LAMA2: variants seen among roughly 807,000 people sequenced by gnomAD.
LAMA2 encodes the protein laminin subunit alpha 2.
Under a neutral mutation model 364.8 loss-of-function variants are expected in LAMA2, and 269 were observed. That is an observed-to-expected ratio of 0.74 (90% confidence interval 0.67 to 0.82). The LOEUF (loss-of-function observed/expected upper bound fraction) is 0.82. Ranked by LOEUF, LAMA2 falls within the 40% of genes least tolerant of loss-of-function variation. The probability of loss-of-function intolerance (pLI) is 0.00; values close to 1 mark genes in which losing one functional copy is unlikely to be tolerated. For synonymous variants in LAMA2, 1,379 were observed against 1,370.6 expected (o/e 1.01, Z -0.14); for missense variants, 3,807 against 3,873.2 (o/e 0.98, Z 0.45).
At chr6:129,107,612 CAAT>C (rs201586144) in intron 4 of LAMA2, among the ~76,000 whole-genome samples, 1 of 151,990 alleles carries the variant, frequency 6.6e-6, no homozygotes, top group Non-Finnish European at 1.5e-5. Context: ...AAAACCACAA[CAAT>C]AATAATAATA....
intron 33 of LAMA2, among the ~76,000 whole-genome samples, chr6:129,367,292 C>A (rs147361284): frequency 1.6e-4 from 24 of 152,218 alleles, no homozygotes; most frequent in African/African-American, 5.8e-4. Context: ...TATAGAATAC[C>A]TCAGCATTGC....
chr6:129,311,993 A>G (rs1774255670), intron 22 of LAMA2, among the ~76,000 whole-genome samples: 1 of 152,212 alleles, frequency 6.6e-6, no homozygotes, highest in Admixed American at 6.5e-5. Flanking sequence ...CAGAGAGAAC[A>G]GAGTGATGTA....
intron 53 of LAMA2, among the ~76,000 whole-genome samples, chr6:129,475,612 A>G (rs1784031682): frequency 6.6e-6 from 1 of 151,778 alleles, no homozygotes; most frequent in Non-Finnish European, 1.5e-5. Flanking sequence ...TTGGGCTGCA[A>G]TTTGAGTTGT....
chr6:129,206,871 G>A (rs1264968937), intron 12 of LAMA2, among the ~76,000 whole-genome samples: 1 of 152,210 alleles, frequency 6.6e-6, no homozygotes, highest in African/African-American at 2.4e-5. Flanking sequence ...AAAATTACCT[G>A]TGAAAGAGTG....
rs760016642 is a variant in LAMA2 at position 129,393,026 on chromosome 6, G to A, written c.5235-19G>A. On this transcript the variant is annotated intron_variant, in intron 36 of 64. Coordinates refer to ENST00000421865, the MANE Select transcript of LAMA2 (RefSeq NM_000426.4). ...TGACATGAGCTCATTGTCTATTATT[G>A]GGCTGGGGGTGGTTACAGAGCTGCA... 1.9e-6 allele frequency: 3 copies of A among 1,604,912 alleles called. No homozygotes were observed. Among genetic ancestry groups the A allele is most frequent in the Non-Finnish European group, 2.6e-6 (3 of 1,173,448 alleles).
chr6:129,247,522 G>A (rs759004183), intron 12 of LAMA2, among the ~76,000 whole-genome samples: 5 of 152,140 alleles, frequency 3.3e-5, no homozygotes, highest in Admixed American at 6.6e-5. Flanking sequence ...GATCATAAAC[G>A]CATACCTTTA....
rs942499228 is a variant in LAMA2, at chr6:129,304,424, C to T, written c.3174+3552C>T. Among the ~76,000 whole-genome samples, 17 of 152,156 alleles carry T rather than the reference C, an allele frequency of 1.1e-4. No individual in the cohort carries two copies. In the East Asian group the frequency reaches 1.9e-3, roughly 17 times the overall value. ...GACTACAGGTGCCCGCCACTACGCCCGGCTAATTTTTTGTATTTTTAGTAG... is the reference window on the plus strand; with the variant it reads ...GACTACAGGTGCCCGCCACTACGCCTGGCTAATTTTTTGTATTTTTAGTAG... On this transcript the variant is annotated intron_variant, in intron 22 of 64. Transcript: ENST00000421865.
chr6:129,344,096 C>A (rs1255594670), intron 30 of LAMA2, among the ~76,000 whole-genome samples: 3 of 151,936 alleles, frequency 2.0e-5, no homozygotes, highest in Non-Finnish European at 4.4e-5. Context: ...AATAAGGAAA[C>A]ACTACAAGTT....
At chr6:128,915,655 T>A (rs561968089) in intron 1 of LAMA2, among the ~76,000 whole-genome samples, 1 of 152,346 alleles carries the variant, frequency 6.6e-6, no homozygotes, top group African/African-American at 2.4e-5. Flanking sequence ...CAGTGTCTTA[T>A]ATAACTACAC....
chr6:129,316,266 A>G, intron 27 of LAMA2, 95 bp downstream of exon 27: 6 of 1,055,944 alleles, frequency 5.7e-6, no homozygotes, highest in Non-Finnish European at 8.6e-6. Context: ...TTGGAAAGTG[A>G]TTGGTTTTGC....
chr6:129,200,554 A>T (rs1782222925), intron 12 of LAMA2, among the ~76,000 whole-genome samples: 1 of 151,790 alleles, frequency 6.6e-6, no homozygotes, highest in South Asian at 2.1e-4. Context: ...GTATATATAT[A>T]TATTTAGAAA....
At position 129,026,937 on chromosome 6, in the gene LAMA2, C is replaced by T. The variant is rs139229100; in HGVS notation, c.113-22981C>T. Among the ~76,000 whole-genome samples the T allele has an allele frequency of 6.2e-3, 950 of 152,136 alleles. 7 individuals carry two copies. The highest frequency in any genetic ancestry group is 0.022 in the African/African-American group (906 of 41,518). ...CAGCCATCTGCTCAGACCTTTATTT[C>T]TCTGTTCAGCCATAACTAAAATTGA... is the stretch of plus-strand genomic sequence containing the variant. On this transcript the variant is annotated intron_variant, in intron 1 of 64. Transcript: ENST00000421865.
chr6:128,953,371 A>T (rs144280349), intron 1 of LAMA2, among the ~76,000 whole-genome samples: 3 of 152,272 alleles, frequency 2.0e-5, no homozygotes, highest in African/African-American at 7.2e-5. Flanking sequence ...AGCTTTACAG[A>T]TAGTAGACTT....
chr6:129,271,504 C>T (rs370952290), intron 17 of LAMA2, among the ~76,000 whole-genome samples: 22 of 127,876 alleles, frequency 1.7e-4, no homozygotes, highest in Middle Eastern at 6.2e-3. Context: ...GAGTCTCGCT[C>T]TGTTGCCCAG....
At chr6:129,116,650 G>A (rs535941550) in intron 4 of LAMA2, among the ~76,000 whole-genome samples, 3 of 141,846 alleles carry the variant, frequency 2.1e-5, no homozygotes, top group African/African-American at 8.6e-5. Context: ...TTTTAAAGGA[G>A]ATGAATTAAC....
At chr6:129,379,540 CTCT>C (rs995144974) in intron 34 of LAMA2, among the ~76,000 whole-genome samples, 4 of 152,068 alleles carry the variant, frequency 2.6e-5, no homozygotes, top group East Asian at 1.9e-4. Flanking sequence ...AGAGAGGAAG[CTCT>C]TCTTCTGTGT....
chr6:129,284,126 A>G (rs1788929775), intron 18 of LAMA2, among the ~76,000 whole-genome samples: 1 of 152,136 alleles, frequency 6.6e-6, no homozygotes, highest in Non-Finnish European at 1.5e-5. Context: ...GCACCATGTG[A>G]GCAGGGAAAC....
At chr6:129,120,286 A>G (rs1776731898) in intron 4 of LAMA2, among the ~76,000 whole-genome samples, 1 of 152,224 alleles carries the variant, frequency 6.6e-6, no homozygotes, top group Non-Finnish European at 1.5e-5. Flanking sequence ...GATTTCTGAA[A>G]AAAATTTATA....
At chr6:129,325,600 C>G (rs1299843903) in intron 28 of LAMA2, among the ~76,000 whole-genome samples, 1 of 151,952 alleles carries the variant, frequency 6.6e-6, no homozygotes, top group Non-Finnish European at 1.5e-5. Flanking sequence ...TACTCTCTCT[C>G]TCTCTTTTGC....
Sources: gnomAD v4.1 joint callset for allele counts (sites outside exome capture counted in the v4.1 genomes callset) on GRCh38, gnomAD v4.1.1 for gene constraint, MANE v1.5 for transcripts, NCBI Gene and HGNC (gene_info 2026-07-23, HGNC 2026-07-21) for gene names.